The following TOB2 variants were observed in gnomAD, a reference collection of about 807,000 sequenced individuals.
The protein encoded by TOB2 is protein Tob2.
Under a neutral mutation model 17.3 loss-of-function variants are expected in TOB2, and 3 were observed. The observed-to-expected ratio is 0.17, with a 90% CI of 0.08 to 0.45. The LOEUF (loss-of-function observed/expected upper bound fraction) is 0.45. Ranked by LOEUF, TOB2 falls within the 20% of genes least tolerant of loss-of-function variation. TOB2 has a pLI of 0.99. For synonymous variants in TOB2, 163 were observed against 185.6 expected (o/e 0.88, Z 0.99); for missense variants, 407 against 445.7 (o/e 0.91, Z 0.78).
At chr22:41,444,889 C>G (rs560920868) in intron 1 of TOB2, among the ~76,000 whole-genome samples, 5 of 152,344 alleles carry the variant, frequency 3.3e-5, no homozygotes, top group South Asian at 2.1e-4. Flanking sequence ...CCCTTCCCCC[C>G]ACCCAATCTG....
Position 41,436,388 on chromosome 22 carries a change from C to G in TOB2, c.958G>C (p.Val320Leu). 6.2e-7 allele frequency: 1 copy of G among 1,613,786 alleles called. No homozygotes were observed. The highest frequency in any genetic ancestry group is 8.5e-7 in the Non-Finnish European group (1 of 1,179,796). The change falls in exon 2 of 2, where the codon GTG (valine) becomes CTG (leucine). Residue 320 changes from valine (V) to leucine (L), a missense_variant. By Grantham distance (32) the Val-to-Leu change is conservative. Transcript: ENST00000327492. This position sits in a 1 kb window ranked among gnomAD's most constrained non-coding sequence, Gnocchi z 4.8. ...NSLFLEKTPF[V>L]EGLSYNLNTM... ...TTCAGGTTGTAGCTGAGGCCTTCCA[C>G]AAAGGGTGTCTTCTCCAGGAAGAGG...
rs537358102 is a variant in TOB2 at position 41,435,693 on chromosome 22, G to A, written c.*618C>T. Reference sequence around the variant, plus strand: ...TAGTCACAGACATCAGCTCCAGGGGGAGGGTGTCAAGTGGCCAGCCAGCAA... The same window carrying A: ...TAGTCACAGACATCAGCTCCAGGGGAAGGGTGTCAAGTGGCCAGCCAGCAA... On this transcript the variant is annotated 3_prime_UTR_variant, in exon 2 of 2. Transcript: ENST00000327492. 1 of 152,984 alleles carries A rather than the reference G, an allele frequency of 6.5e-6. No individual in the cohort carries two copies. The highest frequency in any genetic ancestry group is 2.1e-4 in the South Asian group (1 of 4,836). The allele number at this position is 152,984 out of a possible 1,614,324, so 9.5% of individuals were successfully genotyped here. A position where few individuals can be genotyped will look rare whatever the true frequency, so the allele number is the denominator to read the frequency against.
rs1345110707 is a variant in TOB2 at position 41,436,318 on chromosome 22, G to A, written c.1028C>T (p.Ala343Val). 2.6e-6 allele frequency: 4 copies of A among 1,568,326 alleles called. No individual in the cohort carries two copies. The highest frequency in any genetic ancestry group is 3.5e-6 in the Non-Finnish European group (4 of 1,155,226). The change falls in exon 2 of 2, where the codon GCC becomes GTC. Residue 343 changes from alanine to valine, a missense_variant. Transcript: ENST00000327492. This position sits in a 1 kb window ranked among gnomAD's most constrained non-coding sequence, Gnocchi z 4.8. ...CCACGGGCAGGTAGATGGTCAGTTG[G>A]CCAGCACCACGGGCTGGAACTGCTG... ...PSQQFQPVVLAN is the reference protein window; with the variant it reads ...PSQQFQPVVLVN
At position 41,434,338 on chromosome 22, in the gene TOB2, T is replaced by TGCCTGTGTGTGTGGATGGGA. The variant is rs1465779885; in HGVS notation, c.*1953_*1972dup. On this transcript the variant is annotated 3_prime_UTR_variant, in exon 2 of 2. Coordinates refer to ENST00000327492, the MANE Select transcript of TOB2 (RefSeq NM_016272.4). ...AACAAGCCGACCTGGTGTGGGTGGGTGCCTGTGTGTGTGGATGGGAGGAGG... is the reference window on the plus strand; with the variant it reads ...AACAAGCCGACCTGGTGTGGGTGGGTGCCTGTGTGTGTGGATGGGAGCCTGTGTGTGTGGATGGGAGGAGG... 5.2e-5 allele frequency: 8 copies of TGCCTGTGTGTGTGGATGGGA among 152,814 alleles called. No homozygotes were observed. The East Asian group carries it at 1.2e-3, about 22-fold the overall frequency. The allele number at this position is 152,814 out of a possible 1,614,324, so 9.5% of individuals were successfully genotyped here. A position where few individuals can be genotyped will look rare whatever the true frequency, so the allele number is the denominator to read the frequency against.
At chr22:41,441,551 G>A (rs2037621043) in intron 1 of TOB2, among the ~76,000 whole-genome samples, 1 of 152,130 alleles carries the variant, frequency 6.6e-6, no homozygotes, top group Admixed American at 6.5e-5. Context: ...GGCCAAGGCA[G>A]GTGGATCACT....
rs1225818374 is a variant in TOB2, at chr22:41,436,506, G to A, written c.840C>T (p.Ser280=). Residue 280 remains serine (S), a synonymous_variant, in exon 2 of 2, where the codon AGC becomes AGT. Transcript: ENST00000327492. This position sits in a 1 kb window ranked among gnomAD's most constrained non-coding sequence, Gnocchi z 4.8. ...LFFDAADGQG[S]GTPGPFGGSG... ...TGCCTCCAAACGGGCCTGGGGTGCC[G>A]CTGCCCTGGCCATCGGCCGCATCAA... The A allele has an allele frequency of 9.3e-6, 15 of 1,613,046 alleles. No individual in the cohort carries two copies. The highest frequency in any genetic ancestry group is 2.7e-5 in the African/African-American group (2 of 75,038).
Position 41,436,826 on chromosome 22 carries a change from T to C in TOB2, c.520A>G (p.Ile174Val). 1 of 1,613,954 alleles carries C rather than the reference T, an allele frequency of 6.2e-7. No individual in the cohort carries two copies. Among genetic ancestry groups the C allele is most frequent in the South Asian group, 1.1e-5 (1 of 91,080 alleles). The part of the protein sequence containing the change: ...PTFIPRSAQP[I>V]TFTTASFAAT... ...GCGAAGGAGGCGGTGGTGAAGGTGA[T>C]GGGCTGAGCGGAGCGGGGAATGAAG... Residue 174 changes from isoleucine (I) to valine (V), a missense_variant, in exon 2 of 2, where the codon ATC (isoleucine) becomes GTC (valine). Physicochemically the swap from Ile to Val is conservative, Grantham distance 29. Coordinates refer to ENST00000327492, the MANE Select transcript of TOB2 (RefSeq NM_016272.4). The surrounding 1 kb of genome is among the most constrained non-coding windows in gnomAD (Gnocchi z 4.8).
intron 1 of TOB2, among the ~76,000 whole-genome samples, chr22:41,440,325 G>T (rs1237424029): frequency 6.6e-6 from 1 of 150,864 alleles, no homozygotes; most frequent in Non-Finnish European, 1.5e-5. Context: ...CCCCATGTTG[G>T]CCAGGATGGT....
intron 1 of TOB2, among the ~76,000 whole-genome samples, chr22:41,441,457 T>C (rs963503363): frequency 3.3e-5 from 5 of 151,932 alleles, no homozygotes; most frequent in Non-Finnish European, 7.4e-5. Flanking sequence ...ACATAGTCCA[T>C]AGAGGTGTCC....
chr22:41,441,687 GT>G (rs1185855157), intron 1 of TOB2, among the ~76,000 whole-genome samples: 2 of 152,132 alleles, frequency 1.3e-5, no homozygotes, highest in African/African-American at 4.8e-5. Context: ...GCTGAGGCGG[GT>G]GGATCACAAG....
chr22:41,439,482 CGTATGTATGTATGTATGTAT>C lies in TOB2; in HGVS notation c.-62-2095_-62-2076del, dbSNP rs6147628. On this transcript the variant is annotated intron_variant, in intron 1 of 1. Transcript: ENST00000327492. ...GGGCATTTAATTTAATTTAATTTTA[CGTATGTATGTATGTATGTAT>C]GTATGTATGTATGTATGTATGTATG... Among the ~76,000 whole-genome samples the C allele has an allele frequency of 1.7e-3, 248 of 148,092 alleles. 1 individual carries two copies. Among genetic ancestry groups the C allele is most frequent in the Admixed American group, 3.9e-3 (57 of 14,682 alleles).
chr22:41,436,345 C>A lies in TOB2; in HGVS notation c.1001G>T (p.Ser334Ile). 3 of 1,599,346 alleles carry A rather than the reference C, an allele frequency of 1.9e-6. No homozygotes were observed. Among genetic ancestry groups the A allele is most frequent in the Non-Finnish European group, 2.6e-6 (3 of 1,172,178 alleles). Residue 334 changes from serine (S) to isoleucine (I), a missense_variant, in exon 2 of 2, where the codon AGC becomes ATC. Transcript: ENST00000327492. This position sits in a 1 kb window ranked among gnomAD's most constrained non-coding sequence, Gnocchi z 4.8. ...CAGCACCACGGGCTGGAACTGCTGG[C>A]TGGGATACTGCATGGTGTTCAGGTT... ...SYNLNTMQYPSQQFQPVVLAN is the reference protein window; with the variant it reads ...SYNLNTMQYPIQQFQPVVLAN
Position 41,436,674 on chromosome 22 carries a change from G to C in TOB2, c.672C>G (p.Thr224=). Residue 224 remains threonine (T), a synonymous_variant, in exon 2 of 2, where the codon ACC becomes ACG. Transcript: ENST00000327492. This position sits in a 1 kb window ranked among gnomAD's most constrained non-coding sequence, Gnocchi z 4.8. The stretch of plus-strand genomic sequence containing the variant: ...GGCTCTTGTGCTTCAGCAGGCTGTT[G>C]GTGGGTGAGCGGGCCATGCGAGGCT... ...PQQPRMARSP[T]NSLLKHKSLS... 1 of 1,614,028 alleles carries C rather than the reference G, an allele frequency of 6.2e-7. No individual in the cohort carries two copies. The highest frequency in any genetic ancestry group is 8.5e-7 in the Non-Finnish European group (1 of 1,180,006).
rs571317244 is a variant in TOB2, at chr22:41,443,164, AAAGACGACGGGGG to A, written c.-63+3202_-63+3214del. Among the ~76,000 whole-genome samples the A allele has an allele frequency of 3.7e-4, 56 of 152,198 alleles. 1 individual carries two copies. Among genetic ancestry groups the A allele is most frequent in the Admixed American group, 2.2e-3 (33 of 15,272 alleles). On this transcript the variant is annotated intron_variant, in intron 1 of 1. Transcript: ENST00000327492. Reference sequence around the variant, plus strand: ...GTTTTAAAGAGCAGGTGCCTAGGAGAAAGACGACGGGGGAAGAAGTGGGGCGTGAAGCTCAAAA... The same window carrying A: ...GTTTTAAAGAGCAGGTGCCTAGGAGAAAGAAGTGGGGCGTGAAGCTCAAAA...
chr22:41,437,396 C>CCTG lies in TOB2; in HGVS notation c.-52_-51insCAG. The CCTG allele has an allele frequency of 6.5e-7, 1 of 1,538,884 alleles. No homozygotes were observed. Among genetic ancestry groups the CCTG allele is most frequent in the South Asian group, 1.3e-5 (1 of 78,948 alleles). ...CACAGGGCACGTGTACAGCCTTGGGCTCCAGGCGGCTCTGGGAAATGAGAG... is the reference window on the plus strand; with the variant it reads ...CACAGGGCACGTGTACAGCCTTGGGCCTGTCCAGGCGGCTCTGGGAAATGAGAG... On this transcript the variant is annotated 5_prime_UTR_variant, in exon 2 of 2. Transcript: ENST00000327492.
chr22:41,443,834 G>T (rs967475435), intron 1 of TOB2, among the ~76,000 whole-genome samples: 4 of 151,668 alleles, frequency 2.6e-5, no homozygotes, highest in Admixed American at 1.3e-4. Context: ...AGTTGGTCAG[G>T]CTAGTCTCGA....
In TOB2 at chr22:41,436,892, T is replaced by C. The variant is rs2037556982; in HGVS notation, c.454A>G (p.Asn152Asp). Residue 152 changes from asparagine to aspartate, a missense_variant, in exon 2 of 2, where the codon AAC becomes GAC. Physicochemically the swap from Asn to Asp is conservative, Grantham distance 23. Coordinates refer to ENST00000327492, the MANE Select transcript of TOB2 (RefSeq NM_016272.4). The surrounding 1 kb of genome is among the most constrained non-coding windows in gnomAD (Gnocchi z 4.8). The part of the protein sequence containing the change: ...PIGSQDSSLS[N>D]SPSPSFGQSP... ...TGGCCAAAGGATGGCGATGGGGAGTTGGACAGGGAGCTGTCCTGGCTGCCA... is the reference window on the plus strand; with the variant it reads ...TGGCCAAAGGATGGCGATGGGGAGTCGGACAGGGAGCTGTCCTGGCTGCCA... The C allele has an allele frequency of 6.2e-7, 1 of 1,614,158 alleles. No individual in the cohort carries two copies. Among genetic ancestry groups the C allele is most frequent in the Non-Finnish European group, 8.5e-7 (1 of 1,180,024 alleles).
In TOB2 at chr22:41,437,317, T is replaced by C; in HGVS notation, c.29A>G (p.Asn10Ser). ...GTTGTACAAGTAGGAGATGATGAAGTTCAGGGCCACTTTGATCTCTAGCTG... is the reference window on the plus strand; with the variant it reads ...GTTGTACAAGTAGGAGATGATGAAGCTCAGGGCCACTTTGATCTCTAGCTG... Reference protein sequence around the residue: MQLEIKVALNFIISYLYNKL... With the variant: MQLEIKVALSFIISYLYNKL... The change falls in exon 2 of 2, where the codon AAC (asparagine) becomes AGC (serine). Residue 10 changes from asparagine to serine, a missense_variant. Transcript: ENST00000327492. The C allele has an allele frequency of 6.2e-7, 1 of 1,613,762 alleles. No homozygotes were observed. The highest frequency in any genetic ancestry group is 8.5e-7 in the Non-Finnish European group (1 of 1,179,928).
chr22:41,444,404 AG>A (rs149546144), intron 1 of TOB2, among the ~76,000 whole-genome samples: 1,781 of 152,312 alleles, frequency 0.012, 38 homozygotes, highest in African/African-American at 0.041. Context: ...CTCAGGAGCT[AG>A]GAAAACTCGA....
Sources: allele counts gnomAD v4.1 joint callset (sites outside exome capture counted in the v4.1 genomes callset), GRCh38; gene constraint gnomAD v4.1.1; non-coding constraint Gnocchi (gnomAD v3.1); transcripts MANE v1.5; gene names NCBI Gene and HGNC (gene_info 2026-07-23, HGNC 2026-07-21).